Variants in CSPP1 observed in about 807,000 individuals in gnomAD.
CSPP1 encodes the protein centrosome and spindle pole associated protein 1, also known as centrosome and spindle pole-associated protein 1.
A neutral mutation model predicts 164.4 loss-of-function variants in CSPP1; 126 were observed. The ratio of observed to expected loss-of-function variants is 0.77; its 90% CI spans 0.66 to 0.89. CSPP1 has a LOEUF of 0.89. Ranked by LOEUF, CSPP1 falls within the 40% of genes least tolerant of loss-of-function variation. The probability of loss-of-function intolerance (pLI) is 0.00; values close to 1 mark genes in which losing one functional copy is unlikely to be tolerated. For synonymous variants in CSPP1, 472 were observed against 476.7 expected (o/e 0.99, Z 0.13); for missense variants, 1,395 against 1,449.8 (o/e 0.96, Z 0.61).
chr8:67,107,983 G>GT (rs34204898), intron 9 of CSPP1, among the ~76,000 whole-genome samples: 70,113 of 126,654 alleles, frequency 0.55, 20,507 homozygotes, highest in South Asian at 0.62. Context: ...CTTTGACAAA[G>GT]TTTTTTTTTT....
chr8:67,114,246 C>T (rs9918764), intron 11 of CSPP1, 83 bp from the exon 12 acceptor site: 15,628 of 156,612 alleles, frequency 0.1, 958 homozygotes, highest in African/African-American at 0.18. Context: ...ATTTTTAAAG[C>T]GTTTTAGTAA....
intron 25 of CSPP1, chr8:67,173,781 A>G (rs1156531505): frequency 6.6e-6 from 1 of 152,238 alleles, no homozygotes; most frequent in Non-Finnish European, 1.5e-5. Flanking sequence ...ATTACTTACT[A>G]TCTGCCAGGC....
chr8:67,122,184 T>C (rs1001564678), intron 15 of CSPP1, among the ~76,000 whole-genome samples: 1 of 149,676 alleles, frequency 6.7e-6, no homozygotes, highest in African/African-American at 2.5e-5. Flanking sequence ...ACTATTGGTT[T>C]GGTTGATTTT....
chr8:67,105,716 T>C (rs1563568465), intron 8 of CSPP1, among the ~76,000 whole-genome samples, 189 bp from the exon 9 acceptor site: 1 of 152,206 alleles, frequency 6.6e-6, no homozygotes, highest in Admixed American at 6.5e-5. Flanking sequence ...CCTGAATACA[T>C]TGGAGTTGCA....
At chr8:67,088,326 C>A (rs1240677257) in intron 4 of CSPP1, among the ~76,000 whole-genome samples, 2 of 151,602 alleles carry the variant, frequency 1.3e-5, no homozygotes. Context: ...CTTGCTCTGT[C>A]GCCCAGGCTG....
At chr8:67,183,159 A>C (rs887963997) in intron 28 of CSPP1, among the ~76,000 whole-genome samples, 1 of 152,238 alleles carries the variant, frequency 6.6e-6, no homozygotes, top group Non-Finnish European at 1.5e-5. Context: ...TACATGTCAG[A>C]AAGCAAAAGA....
At chr8:67,115,729 T>A (rs1817804984) in intron 12 of CSPP1, among the ~76,000 whole-genome samples, 185 bp from the exon 13 acceptor site, 1 of 152,090 alleles carries the variant, frequency 6.6e-6, no homozygotes, top group African/African-American at 2.4e-5. Flanking sequence ...CTTTTATAGC[T>A]GTAAAATTCT....
intron 26 of CSPP1, among the ~76,000 whole-genome samples, chr8:67,176,604 T>C (rs1342203880): frequency 1.3e-5 from 2 of 152,194 alleles, no homozygotes; most frequent in Non-Finnish European, 2.9e-5. Context: ...GTGGCATTTT[T>C]CTTTAGTCTC....
chr8:67,102,936 G>C, intron 7 of CSPP1, 101 bp from the exon 8 acceptor site: 1 of 604,826 alleles, frequency 1.7e-6, no homozygotes, highest in Non-Finnish European at 2.9e-6. Context: ...ATAACACTTT[G>C]TTCCTTTTAA....
At chr8:67,161,058 A>AC (rs559241920) in intron 21 of CSPP1, among the ~76,000 whole-genome samples, 3 of 152,184 alleles carry the variant, frequency 2.0e-5, no homozygotes, top group Non-Finnish European at 2.9e-5. Context: ...TCCTCAGGTG[A>AC]CCTGCCTGCT....
At chr8:67,146,830 A>G (rs1824688290) in intron 17 of CSPP1, among the ~76,000 whole-genome samples, 1 of 152,234 alleles carries the variant, frequency 6.6e-6, no homozygotes, top group Admixed American at 6.5e-5. Flanking sequence ...ATTGAATGTT[A>G]TGATGATTTA....
chr8:67,143,227 A>C (rs1393116698), intron 17 of CSPP1, among the ~76,000 whole-genome samples: 1 of 151,712 alleles, frequency 6.6e-6, no homozygotes, highest in East Asian at 1.9e-4. Flanking sequence ...CTATATTTCT[A>C]TCCTTTTGCC....
In CSPP1 at chr8:67,182,674, C is replaced by T. The variant is rs529783202; in HGVS notation, c.3220+2748C>T. On this transcript the variant is annotated intron_variant, in intron 28 of 30. Coordinates refer to ENST00000678616, the MANE Select transcript of CSPP1 (RefSeq NM_001382391.1). ...ACTTTGTTTTTTGAATAGTAGCAAT[C>T]CTTACGGGTGTGACGTGGCATCTCA... Among the ~76,000 whole-genome samples the T allele has an allele frequency of 4.7e-3, 718 of 152,306 alleles. 5 individuals are homozygous for T. Among genetic ancestry groups the T allele is most frequent in the Non-Finnish European group, 8.5e-3 (577 of 68,022 alleles).
intron 15 of CSPP1, among the ~76,000 whole-genome samples, chr8:67,125,736 C>T (rs1485408394): frequency 1.3e-5 from 2 of 152,116 alleles, no homozygotes; most frequent in Non-Finnish European, 2.9e-5. Flanking sequence ...CTTTTCTTTT[C>T]AGTTATATTT....
At chr8:67,160,480 A>G in intron 21 of CSPP1, among the ~76,000 whole-genome samples, 1 of 151,590 alleles carries the variant, frequency 6.6e-6, no homozygotes, top group South Asian at 2.1e-4. Context: ...AAAAAAAAAA[A>G]GAATTAAACA....
chr8:67,121,317 A>G (rs768040280), intron 15 of CSPP1, among the ~76,000 whole-genome samples: 177 of 152,256 alleles, frequency 1.2e-3, no homozygotes, highest in Middle Eastern at 3.4e-3. Flanking sequence ...TAGGTTTTTC[A>G]TATATATAGC....
intron 26 of CSPP1, 22 bp downstream of exon 26, chr8:67,175,458 G>T: frequency 6.2e-7 from 1 of 1,613,444 alleles, no homozygotes; most frequent in Non-Finnish European, 8.5e-7. Context: ...TCATTGCTGT[G>T]TCAAATAGTA....
chr8:67,117,698 T>C (rs1317989914), intron 13 of CSPP1, among the ~76,000 whole-genome samples: 1 of 152,190 alleles, frequency 6.6e-6, no homozygotes, highest in Admixed American at 6.6e-5. Flanking sequence ...GCCTTCTCTT[T>C]CTGGATTGTC....
chr8:67,164,355 C>G (rs765056068), intron 23 of CSPP1, 36 bp from the exon 24 acceptor site: 1 of 962,656 alleles, frequency 1.0e-6, no homozygotes, highest in Non-Finnish European at 1.7e-6. Flanking sequence ...GTTCTTATTC[C>G]TGTCTTGTGT....
Sources: gnomAD v4.1 joint callset for allele counts (sites outside exome capture counted in the v4.1 genomes callset) on GRCh38, gnomAD v4.1.1 for gene constraint, MANE v1.5 for transcripts, NCBI Gene and HGNC (gene_info 2026-07-23, HGNC 2026-07-21) for gene names.